Variants in PRMT3 observed in about 807,000 individuals in gnomAD.
The protein encoded by PRMT3 is protein arginine N-methyltransferase 3.
Under a neutral mutation model 71.9 loss-of-function variants are expected in PRMT3, and 62 were observed. That is an observed-to-expected ratio of 0.86 (90% CI 0.70 to 1.07). PRMT3 has a LOEUF of 1.07. PRMT3 is among the 50% of genes least tolerant of loss of function. PRMT3 has a pLI of 0.00. For missense variants in PRMT3, 663 were observed against 643.0 expected, an observed-to-expected ratio of 1.03 and a Z score of -0.34; for synonymous variants, 213 against 220.4, an observed-to-expected ratio of 0.97 and a Z score of 0.30.
At position 20,441,804 on chromosome 11, in the gene PRMT3, T is replaced by TTTC. The variant is rs1849912272; in HGVS notation, c.994-10324_994-10323insCTT. Among the ~76,000 whole-genome samples the TTTC allele has an allele frequency of 4.0e-5, 6 of 151,456 alleles. No individual in the cohort carries two copies. In the South Asian group the frequency reaches 1.3e-3, roughly 32 times the overall value. On this transcript the variant is annotated intron_variant, in intron 10 of 15. Transcript: ENST00000331079. Reference sequence around the variant, plus strand: ...TAGTTTCAGGTTTTTTTTTTTTTTTTTTTTTGAGATGGAGTTTTGCTTTTT... The same window carrying TTTC: ...TAGTTTCAGGTTTTTTTTTTTTTTTTTTCTTTTTGAGATGGAGTTTTGCTTTTT...
At chr11:20,508,260 C>A in intron 15 of PRMT3, 44 bp from the exon 16 acceptor site, 1 of 1,163,920 alleles carries the variant, frequency 8.6e-7, no homozygotes, top group Non-Finnish European at 1.3e-6. Flanking sequence ...TTCTGCTACA[C>A]TGTATTCCTT....
At chr11:20,454,915 T>C (rs899833177) in intron 11 of PRMT3, among the ~76,000 whole-genome samples, 1 of 152,136 alleles carries the variant, frequency 6.6e-6, no homozygotes, top group African/African-American at 2.4e-5. Context: ...GATGTTCATC[T>C]ACCCCATTAT....
At chr11:20,483,395 G>A (rs1318346031) in intron 13 of PRMT3, among the ~76,000 whole-genome samples, 1 of 152,014 alleles carries the variant, frequency 6.6e-6, no homozygotes, top group East Asian at 1.9e-4. Context: ...TGCATGGATA[G>A]TTTTGGGGGA....
intron 9 of PRMT3, among the ~76,000 whole-genome samples, chr11:20,421,388 A>G (rs1482527565): frequency 6.6e-6 from 1 of 152,170 alleles, no homozygotes; most frequent in Non-Finnish European, 1.5e-5. Flanking sequence ...ACATTAAGTC[A>G]CTTTAAATGG....
chr11:20,441,025 T>C (rs907682337), intron 10 of PRMT3, among the ~76,000 whole-genome samples: 15 of 152,140 alleles, frequency 9.9e-5, no homozygotes, highest in African/African-American at 3.6e-4. Context: ...TGTGTTCCTT[T>C]AACAAACCCT....
chr11:20,481,054 CTT>C (rs941087413), intron 13 of PRMT3, among the ~76,000 whole-genome samples: 1 of 152,108 alleles, frequency 6.6e-6, no homozygotes, highest in African/African-American at 2.4e-5. Context: ...TTATGAAAGA[CTT>C]TTTGAAAATA....
chr11:20,507,458 G>C (rs1171452638), intron 15 of PRMT3, among the ~76,000 whole-genome samples: 2 of 16,208 alleles, frequency 1.2e-4, no homozygotes, highest in Non-Finnish European at 7.9e-4. Flanking sequence ...GTGGTATGTA[G>C]TTAGTTCTCG....
At chr11:20,440,810 C>T (rs1439727508) in intron 10 of PRMT3, among the ~76,000 whole-genome samples, 3 of 152,046 alleles carry the variant, frequency 2.0e-5, no homozygotes, top group Non-Finnish European at 2.9e-5. Context: ...TTTACTAATC[C>T]TTTATTGGAT....
At chr11:20,395,700 T>C in intron 5 of PRMT3, 103 bp from the exon 6 acceptor site, 1 of 1,108,068 alleles carries the variant, frequency 9.0e-7, no homozygotes. Context: ...TCTTTCTCAA[T>C]TGGCCACATA....
At chr11:20,477,298 G>A (rs188900795) in intron 13 of PRMT3, among the ~76,000 whole-genome samples, 15 of 152,246 alleles carry the variant, frequency 9.9e-5, no homozygotes, top group African/African-American at 3.1e-4. Context: ...AGTCTTGGCC[G>A]GGTGTAGCAG....
At chr11:20,388,359 T>C (rs924387629) in intron 2 of PRMT3, among the ~76,000 whole-genome samples, 13 of 152,258 alleles carry the variant, frequency 8.5e-5, no homozygotes, top group African/African-American at 2.7e-4. Flanking sequence ...CCGGTTGTAC[T>C]GCAAGCTTTT....
chr11:20,392,661 T>G (rs144348144), intron 4 of PRMT3, among the ~76,000 whole-genome samples: 9 of 150,584 alleles, frequency 6.0e-5, no homozygotes, highest in Non-Finnish European at 1.5e-5. Flanking sequence ...GAATGTTTAA[T>G]GACATGACAA....
intron 13 of PRMT3, among the ~76,000 whole-genome samples, chr11:20,473,829 G>A (rs187919244): frequency 6.6e-6 from 1 of 152,258 alleles, no homozygotes; most frequent in Non-Finnish European, 1.5e-5. Flanking sequence ...AGGAAGAGAG[G>A]CACTGGCTTT....
At chr11:20,491,398 C>T (rs1489492514) in intron 13 of PRMT3, among the ~76,000 whole-genome samples, 1 of 149,264 alleles carries the variant, frequency 6.7e-6, no homozygotes, top group Non-Finnish European at 1.5e-5. Context: ...TGAGATTGCA[C>T]CTTAGATGTT....
chr11:20,508,149 TAAA>T (rs11338942), intron 15 of PRMT3, among the ~76,000 whole-genome samples, 152 bp from the exon 16 acceptor site: 55,522 of 122,910 alleles, frequency 0.45, 12,318 homozygotes, highest in African/African-American at 0.57. Context: ...GACTCCATCT[TAAA>T]AAAAAAAAAA....
intron 13 of PRMT3, among the ~76,000 whole-genome samples, chr11:20,483,307 A>T (rs1379930359): frequency 2.0e-5 from 3 of 152,130 alleles, no homozygotes; most frequent in Admixed American, 2.0e-4. Flanking sequence ...TGTATTCTTA[A>T]TATTAAAATA....
Position 20,496,868 on chromosome 11 carries a change from C to G in PRMT3, c.1486+2614C>G, listed in dbSNP as rs182947535. Among the ~76,000 whole-genome samples, 434 of 152,284 alleles carry G rather than the reference C, an allele frequency of 2.8e-3. 1 individual carries two copies. The highest frequency in any genetic ancestry group is 4.4e-3 in the Non-Finnish European group (299 of 68,018). ...GAAGCAGCACCTTGTCATTTTCTCACTTTGAAGTTGCAAGTGATATGGAAA... is the reference window on the plus strand; with the variant it reads ...GAAGCAGCACCTTGTCATTTTCTCAGTTTGAAGTTGCAAGTGATATGGAAA... On this transcript the variant is annotated intron_variant, in intron 15 of 15. Coordinates refer to ENST00000331079, the MANE Select transcript of PRMT3 (RefSeq NM_005788.4).
At chr11:20,465,821 A>G (rs1850498707) in intron 13 of PRMT3, among the ~76,000 whole-genome samples, 1 of 152,130 alleles carries the variant, frequency 6.6e-6, no homozygotes, top group African/African-American at 2.4e-5. Flanking sequence ...GCTTTTTAGT[A>G]ATTGAAATTA....
intron 13 of PRMT3, among the ~76,000 whole-genome samples, chr11:20,482,794 A>G (rs1850970664): frequency 6.6e-6 from 1 of 151,322 alleles, no homozygotes; most frequent in Non-Finnish European, 1.5e-5. Context: ...ATGTATTAAC[A>G]GGAGGAAATC....
Sources: allele counts gnomAD v4.1 joint callset (sites outside exome capture counted in the v4.1 genomes callset), GRCh38; gene constraint gnomAD v4.1.1; transcripts MANE v1.5; gene names NCBI Gene and HGNC (gene_info 2026-07-23, HGNC 2026-07-21).